Variants in PKHD1 observed in about 807,000 individuals in gnomAD.
The protein encoded by PKHD1 is fibrocystin.
Under a neutral mutation model 412.0 loss-of-function variants are expected in PKHD1, and 291 were observed. The ratio of observed to expected loss-of-function variants is 0.71; its 90% confidence interval spans 0.64 to 0.78. PKHD1 has a LOEUF of 0.78. Ranked by LOEUF, PKHD1 falls within the 30% of genes least tolerant of loss-of-function variation. PKHD1 has a pLI of 0.00. For synonymous variants in PKHD1, 1,777 were observed against 1,821.5 expected (o/e 0.98, Z 0.62); for missense variants, 4,825 against 4,950.7 (o/e 0.97, Z 0.76).
At chr6:52,029,854 C>T (rs1010007053) in intron 29 of PKHD1, among the ~76,000 whole-genome samples, 36 of 152,140 alleles carry the variant, frequency 2.4e-4, no homozygotes, top group African/African-American at 7.7e-4. Context: ...CGGCAGTGAC[C>T]GCCAAAGACT....
At position 51,619,657 on chromosome 6, in the gene PKHD1, T is replaced by C. The variant is rs1427719244; in HGVS notation, c.11786-137A>G. The stretch of plus-strand genomic sequence containing the variant: ...ACATCAGCTCTTTGATTTCCAAATA[T>C]CTTTTATCAGACACTCCAAATATGT... On this transcript the variant is annotated intron_variant, in intron 66 of 66. Transcript: ENST00000371117. 2.1e-5 allele frequency: 15 copies of C among 712,280 alleles called. No individual in the cohort carries two copies. The South Asian group carries it at 2.1e-4, about 10-fold the overall frequency. The allele number at this position is 712,280 out of a possible 1,614,324, so 44.1% of individuals were successfully genotyped here.
intron 52 of PKHD1, among the ~76,000 whole-genome samples, chr6:51,812,740 T>C (rs1764885749): frequency 6.6e-6 from 1 of 152,212 alleles, no homozygotes; most frequent in Admixed American, 6.5e-5. Context: ...TCCAGGTCTT[T>C]TTTAGATCCT....
Position 51,813,049 on chromosome 6 carries a change from T to G in PKHD1, c.8302+17812A>C, listed in dbSNP as rs77627839. On this transcript the variant is annotated intron_variant, in intron 52 of 66. Coordinates refer to ENST00000371117, the MANE Select transcript of PKHD1 (RefSeq NM_138694.4). ...AGAGCAAACCAATGTATACCTGACA[T>G]GCATTCATTGATGTCTTATGTCTCC... Among the ~76,000 whole-genome samples, 876 of 152,280 alleles carry G rather than the reference T, an allele frequency of 5.8e-3. 6 individuals carry two copies. The highest frequency in any genetic ancestry group is 0.02 in the African/African-American group (839 of 41,556).
chr6:51,884,694 A>G (rs1777925231), intron 45 of PKHD1, among the ~76,000 whole-genome samples: 1 of 152,170 alleles, frequency 6.6e-6, no homozygotes, highest in Admixed American at 6.5e-5. Flanking sequence ...CAGAATTTCA[A>G]AAAATGGCTT....
intron 55 of PKHD1, among the ~76,000 whole-genome samples, chr6:51,756,452 A>T (rs756497449): frequency 6.6e-6 from 1 of 152,172 alleles, no homozygotes; most frequent in Non-Finnish European, 1.5e-5. Context: ...CAGGTGCTAA[A>T]TGGTATTAGA....
rs753631515 is a variant in PKHD1 at position 51,617,319 on chromosome 6, C to G, written c.*1762G>C. 3 of 152,076 alleles carry G rather than the reference C, an allele frequency of 2.0e-5. No homozygotes were observed. The highest frequency in any genetic ancestry group is 4.4e-5 in the Non-Finnish European group (3 of 68,010). 9.4% of individuals were successfully genotyped at this position (152,076 alleles called of 1,614,324 possible). The stretch of plus-strand genomic sequence containing the variant: ...AGAATCTACAAAAAAAGATAAATAA[C>G]TGGTTATAACAGGGACTAATTAAAC... On this transcript the variant is annotated 3_prime_UTR_variant, in exon 67 of 67. Coordinates refer to ENST00000371117, the MANE Select transcript of PKHD1 (RefSeq NM_138694.4).
intron 35 of PKHD1, among the ~76,000 whole-genome samples, chr6:52,004,295 A>T (rs1383990433): frequency 6.6e-6 from 1 of 152,114 alleles, no homozygotes; most frequent in African/African-American, 2.4e-5. Context: ...TGAAATTTTC[A>T]GTACAGATAT....
chr6:52,030,382 G>A (rs1438224799), intron 29 of PKHD1, among the ~76,000 whole-genome samples: 4 of 152,222 alleles, frequency 2.6e-5, no homozygotes, highest in African/African-American at 7.2e-5. Flanking sequence ...GCATGATATA[G>A]CACACAAAAA....
At chr6:51,952,380 G>A (rs144908871) in intron 36 of PKHD1, among the ~76,000 whole-genome samples, 1 of 152,158 alleles carries the variant, frequency 6.6e-6, no homozygotes, top group East Asian at 1.9e-4. Flanking sequence ...GCCTCTTCAG[G>A]TCTGAAACTC....
chr6:51,666,905 T>C (rs1403084124), intron 60 of PKHD1, among the ~76,000 whole-genome samples: 2 of 152,058 alleles, frequency 1.3e-5, no homozygotes, highest in Non-Finnish European at 2.9e-5. Context: ...TAGTATTCCA[T>C]GGTGTATACG....
At chr6:51,631,844 C>T (rs1055507851) in intron 65 of PKHD1, among the ~76,000 whole-genome samples, 16 of 151,374 alleles carry the variant, frequency 1.1e-4, no homozygotes, top group African/African-American at 3.9e-4. Context: ...AATTCCTATG[C>T]TAAAAAACAA....
At chr6:51,809,548 A>C (rs1188492646) in intron 52 of PKHD1, among the ~76,000 whole-genome samples, 2 of 152,096 alleles carry the variant, frequency 1.3e-5, no homozygotes, top group Admixed American at 1.3e-4. Context: ...CTCACGTTCT[A>C]ATTTTTTTTA....
chr6:51,708,163 C>T (rs1780231967), intron 60 of PKHD1, among the ~76,000 whole-genome samples: 1 of 152,158 alleles, frequency 6.6e-6, no homozygotes, highest in Non-Finnish European at 1.5e-5. Context: ...AGGATTCTCC[C>T]AGTACATGGC....
chr6:51,725,060 TA>T (rs1782404045), intron 60 of PKHD1, among the ~76,000 whole-genome samples: 1 of 152,142 alleles, frequency 6.6e-6, no homozygotes, highest in Non-Finnish European at 1.5e-5. Flanking sequence ...CTTTTAGTAA[TA>T]AAAAAGTTAA....
chr6:52,029,927 T>C (rs1015825589), intron 29 of PKHD1, among the ~76,000 whole-genome samples: 2 of 152,176 alleles, frequency 1.3e-5, no homozygotes, highest in Admixed American at 6.5e-5. Context: ...ATTGAAAAGA[T>C]AGGGGAGGAG....
intron 60 of PKHD1, among the ~76,000 whole-genome samples, chr6:51,685,793 G>A (rs958151458): frequency 7.9e-5 from 12 of 152,128 alleles, no homozygotes; most frequent in African/African-American, 2.9e-4. Flanking sequence ...TCATTACCAG[G>A]CCATGTAAGG....
At chr6:52,034,474 G>T (rs1803611698) in intron 28 of PKHD1, among the ~76,000 whole-genome samples, 1 of 151,836 alleles carries the variant, frequency 6.6e-6, no homozygotes, top group African/African-American at 2.4e-5. Flanking sequence ...AAATTAAGAG[G>T]TACATGTCTT....
chr6:51,850,976 T>G (rs923495317), intron 49 of PKHD1, among the ~76,000 whole-genome samples: 11 of 152,186 alleles, frequency 7.2e-5, no homozygotes, highest in Non-Finnish European at 1.5e-4. Flanking sequence ...CTTGTGCTGG[T>G]TTTCAAAGGG....
chr6:51,631,040 G>A (rs1348208095), intron 65 of PKHD1, among the ~76,000 whole-genome samples: 1 of 152,130 alleles, frequency 6.6e-6, no homozygotes, highest in Non-Finnish European at 1.5e-5. Flanking sequence ...CAAAAGTGGA[G>A]ATAGCAGAGC....
Sources: gnomAD v4.1 joint callset for allele counts (sites outside exome capture counted in the v4.1 genomes callset) on GRCh38, gnomAD v4.1.1 for gene constraint, MANE v1.5 for transcripts, NCBI Gene and HGNC (gene_info 2026-07-23, HGNC 2026-07-21) for gene names.